The following RIPOR2 variants were observed in gnomAD, a reference collection of about 807,000 sequenced individuals.
The protein encoded by RIPOR2 is rho family-interacting cell polarization regulator 2.
In RIPOR2, 39 loss-of-function variants were observed where a neutral mutation model predicts 114.5. That is an observed-to-expected ratio of 0.34 (90% confidence interval 0.26 to 0.44). The LOEUF (loss-of-function observed/expected upper bound fraction) is 0.44, where lower values mean the gene tolerates loss of function less well. Among genes scored for constraint, RIPOR2 ranks in the 20% least tolerant of loss-of-function variants. The pLI, the probability that RIPOR2 is intolerant of heterozygous loss-of-function variation, is 1.00. For synonymous variants in RIPOR2, 445 were observed against 484.4 expected, an observed-to-expected ratio of 0.92 and a Z score of 1.07; for missense variants, 1,007 against 1,255.1, an observed-to-expected ratio of 0.80 and a Z score of 2.99.
At chr6:25,003,235 A>G (rs1775396878) in intron 1 of RIPOR2, among the ~76,000 whole-genome samples, 1 of 152,096 alleles carries the variant, frequency 6.6e-6, no homozygotes, top group Non-Finnish European at 1.5e-5. Context: ...AAAACCATTC[A>G]GCAATCATGG....
At chr6:24,837,854 C>T (rs1043494331) in intron 14 of RIPOR2, among the ~76,000 whole-genome samples, 2 of 151,740 alleles carry the variant, frequency 1.3e-5, no homozygotes, top group Admixed American at 1.3e-4. Flanking sequence ...GGGACAACAA[C>T]AAACAAAAAC....
chr6:24,928,690 T>C (rs894596612), intron 1 of RIPOR2, among the ~76,000 whole-genome samples: 2 of 152,220 alleles, frequency 1.3e-5, no homozygotes, highest in African/African-American at 2.4e-5. Context: ...AGTAGCACCA[T>C]AACCTCATCA....
intron 9 of RIPOR2, 77 bp downstream of exon 9, chr6:24,852,498 A>G (rs1390792493): frequency 4.5e-6 from 5 of 1,123,070 alleles, no homozygotes; most frequent in Non-Finnish European, 6.6e-6. Flanking sequence ...CAACTTGAAA[A>G]GCAAAATAAT....
At chr6:24,890,793 T>A (rs1767277637) in intron 1 of RIPOR2, among the ~76,000 whole-genome samples, 1 of 151,932 alleles carries the variant, frequency 6.6e-6, no homozygotes, top group Non-Finnish European at 1.5e-5. Flanking sequence ...TAGCTAGGAC[T>A]ACAGGCACAT....
chr6:24,919,215 G>C (rs1208798812), intron 1 of RIPOR2, among the ~76,000 whole-genome samples: 4 of 152,244 alleles, frequency 2.6e-5, no homozygotes, highest in Non-Finnish European at 5.9e-5. Flanking sequence ...CAACAGGATA[G>C]AGTGCTGTCA....
At chr6:24,916,604 A>G (rs1179461535) in intron 1 of RIPOR2, among the ~76,000 whole-genome samples, 2 of 152,186 alleles carry the variant, frequency 1.3e-5, no homozygotes, top group African/African-American at 4.8e-5. Context: ...AACTGTACCT[A>G]TAGAAGCATA....
intron 1 of RIPOR2, among the ~76,000 whole-genome samples, chr6:24,971,741 G>C (rs544242733): frequency 5.9e-5 from 9 of 152,180 alleles, no homozygotes; most frequent in Non-Finnish European, 1.0e-4. Flanking sequence ...TCCCAACGCC[G>C]GCAGGCAGTG....
chr6:24,839,011 G>T, intron 14 of RIPOR2, 80 bp downstream of exon 14: 1 of 1,171,944 alleles, frequency 8.5e-7, no homozygotes. Context: ...ATGTGTACCA[G>T]GTCCCCTCTG....
chr6:24,933,518 G>A (rs1771549680), intron 1 of RIPOR2, among the ~76,000 whole-genome samples: 2 of 152,180 alleles, frequency 1.3e-5, no homozygotes, highest in Non-Finnish European at 1.5e-5. Context: ...CATGAGCCAC[G>A]GCTCTGAAAA....
intron 1 of RIPOR2, among the ~76,000 whole-genome samples, chr6:24,917,524 CT>C (rs922815966): frequency 8.6e-5 from 13 of 152,020 alleles, no homozygotes; most frequent in African/African-American, 2.4e-4. Flanking sequence ...ATGTAGTAGG[CT>C]TTTTTTTCTT....
chr6:24,872,850 G>A (rs1253592718), intron 4 of RIPOR2, 31 bp downstream of exon 4: 1 of 1,446,314 alleles, frequency 6.9e-7, no homozygotes, highest in Admixed American at 1.7e-5. Context: ...AAAGAACAGT[G>A]TTAACATCAT....
chr6:24,975,096 T>C (rs1043451361), intron 1 of RIPOR2, among the ~76,000 whole-genome samples: 2 of 152,216 alleles, frequency 1.3e-5, no homozygotes, highest in Non-Finnish European at 1.5e-5. Flanking sequence ...TCTGTGAATA[T>C]ACTAAAAGCC....
intron 5 of RIPOR2, among the ~76,000 whole-genome samples, chr6:24,870,057 T>G (rs1884160): frequency 0.41 from 61,662 of 152,022 alleles, 13,140 homozygotes; most frequent in African/African-American, 0.55. Context: ...TATATAAATT[T>G]TTTTAAAAAG....
chr6:24,924,170 C>T (rs1770694367), intron 1 of RIPOR2, among the ~76,000 whole-genome samples: 1 of 152,206 alleles, frequency 6.6e-6, no homozygotes, highest in Admixed American at 6.5e-5. Flanking sequence ...AATCTCCTAA[C>T]GTAAGGTAAT....
Position 24,980,804 on chromosome 6 carries a change from C to G in RIPOR2, c.76+61047G>C, listed in dbSNP as rs191339399. On this transcript the variant is annotated intron_variant, in intron 1 of 13. Coordinates refer to the RIPOR2 transcript ENST00000510784. ...ATCAGAGGCTTCCTCTGGCCTGATA[C>G]AGCTGGGCTCTGGGAAGGTAAGTGA... Among the ~76,000 whole-genome samples the G allele has an allele frequency of 6.6e-5, 10 of 152,326 alleles. No homozygotes were observed. The East Asian group carries it at 1.9e-3, about 29-fold the overall frequency.
At chr6:24,835,951 C>A in intron 14 of RIPOR2, 80 bp from the exon 15 acceptor site, 3 of 1,345,324 alleles carry the variant, frequency 2.2e-6, no homozygotes, top group South Asian at 2.6e-5. Flanking sequence ...TTGCATCGGG[C>A]CCCAACAGCA....
chr6:24,821,626 T>C (rs1759707667), intron 19 of RIPOR2, among the ~76,000 whole-genome samples: 1 of 152,222 alleles, frequency 6.6e-6, no homozygotes, highest in Non-Finnish European at 1.5e-5. Context: ...CTTTGGCTTT[T>C]GAAAACCTCT....
chr6:24,957,471 A>G (rs1450512453), intron 1 of RIPOR2, among the ~76,000 whole-genome samples: 1 of 152,232 alleles, frequency 6.6e-6, no homozygotes, highest in Non-Finnish European at 1.5e-5. Flanking sequence ...GAGTGTCATT[A>G]TCATAGGGGA....
chr6:24,823,346 A>C (rs1442878415), intron 19 of RIPOR2, among the ~76,000 whole-genome samples: 5 of 152,196 alleles, frequency 3.3e-5, no homozygotes, highest in Non-Finnish European at 7.3e-5. Context: ...AACTAGTCTT[A>C]GTCAAGTTTA....
Sources: gnomAD v4.1 joint callset for allele counts (sites outside exome capture counted in the v4.1 genomes callset) on GRCh38, gnomAD v4.1.1 for gene constraint, MANE v1.5 for transcripts, NCBI Gene and HGNC (gene_info 2026-07-23, HGNC 2026-07-21) for gene names.